The following NDEL1 variants were observed in gnomAD, a reference collection of about 807,000 sequenced individuals.
The protein encoded by NDEL1 is nuclear distribution protein nudE-like 1.
Under a neutral mutation model 45.7 loss-of-function variants are expected in NDEL1, and 9 were observed. That is an observed-to-expected ratio of 0.20 (90% CI 0.12 to 0.34). The LOEUF (loss-of-function observed/expected upper bound fraction) is 0.34, where lower values mean the gene tolerates loss of function less well. Among genes scored for constraint, NDEL1 ranks in the 10% least tolerant of loss-of-function variants. NDEL1 has a pLI of 1.00. For synonymous variants in NDEL1, 133 were observed against 158.6 expected (o/e 0.84, Z 1.21); for missense variants, 306 against 406.2 (o/e 0.75, Z 2.12).
At chr17:8,470,354 G>T (rs565297570), downstream of NDEL1, among the ~76,000 whole-genome samples, 12 of 152,168 alleles carry the variant, frequency 7.9e-5, no homozygotes, top group African/African-American at 2.9e-4. The surrounding 1 kb of genome is among the most constrained non-coding windows in gnomAD (Gnocchi z 4.2). Context: ...CTGATCTCCC[G>T]GGTGGTGGAC....
intron 7 of NDEL1, among the ~76,000 whole-genome samples, chr17:8,457,860 G>A (rs1378833953): frequency 6.6e-6 from 1 of 152,008 alleles, no homozygotes; most frequent in Non-Finnish European, 1.5e-5. Flanking sequence ...TAATATTTAT[G>A]TATAATGTTT....
Position 8,444,491 on chromosome 17 carries a change from A to G in NDEL1, c.86+134A>G, listed in dbSNP as rs180794588. 1.4e-3 allele frequency: 904 copies of G among 627,398 alleles called. 9 individuals carry two copies. The highest frequency in any genetic ancestry group is 0.014 in the African/African-American group (761 of 54,168). The allele number at this position is 627,398 out of a possible 1,614,324, so 38.9% of individuals were successfully genotyped here. A position where few individuals can be genotyped will look rare whatever the true frequency, so the allele number is the denominator to read the frequency against. On this transcript the variant is annotated intron_variant, in intron 2 of 8. Transcript: ENST00000334527. ...AGGATTCTAGGATTGAGATTCTACAAACAGTCACCACATGGGTTGTATTTA... is the reference window on the plus strand; with the variant it reads ...AGGATTCTAGGATTGAGATTCTACAGACAGTCACCACATGGGTTGTATTTA...
chr17:8,438,251 C>T (rs1429995949), intron 1 of NDEL1, among the ~76,000 whole-genome samples: 1 of 152,186 alleles, frequency 6.6e-6, no homozygotes, highest in Non-Finnish European at 1.5e-5. Flanking sequence ...GCCACCGTGC[C>T]CTGCCAATAA....
At chr17:8,438,702 G>C (rs1672801661) in intron 1 of NDEL1, among the ~76,000 whole-genome samples, 3 of 151,816 alleles carry the variant, frequency 2.0e-5, no homozygotes, top group Admixed American at 2.0e-4. Flanking sequence ...TTTTGTTAGA[G>C]ATGGGGTTTC....
intron 7 of NDEL1, among the ~76,000 whole-genome samples, 185 bp downstream of exon 7, chr17:8,455,072 G>A (rs949626986): frequency 3.3e-5 from 5 of 152,222 alleles, no homozygotes; most frequent in African/African-American, 1.2e-4. Context: ...CTGCAGAAGA[G>A]CCTGTACCTT....
intron 1 of NDEL1, among the ~76,000 whole-genome samples, chr17:8,429,947 T>C (rs1908959581): frequency 1.3e-5 from 2 of 151,960 alleles, no homozygotes; most frequent in East Asian, 1.9e-4. Flanking sequence ...TTATGGGCGA[T>C]GTGGGAAGAA....
In NDEL1 at chr17:8,446,878, A is replaced by G; in HGVS notation, c.365A>G (p.Asn122Ser). 12 of 1,614,182 alleles carry G rather than the reference A, an allele frequency of 7.4e-6. No homozygotes were observed. Among genetic ancestry groups the G allele is most frequent in the Non-Finnish European group, 1.0e-5 (12 of 1,180,030 alleles). ...TATGTGAGAGAGCTGGAGCAGGCCAACGACGACCTGGAGCGAGCCAAAAGG... is the reference window on the plus strand; with the variant it reads ...TATGTGAGAGAGCTGGAGCAGGCCAGCGACGACCTGGAGCGAGCCAAAAGG... ...HKYVRELEQA[N>S]DDLERAKRAT... The change falls in exon 4 of 9, where the codon AAC (asparagine) becomes AGC (serine). Residue 122 changes from asparagine (N) to serine (S), a missense_variant. Around this residue, in one of 3 missense-constraint regions of NDEL1, gnomAD observed 112 missense variants for 148.3 expected, o/e 0.76. Transcript: ENST00000334527.
At chr17:8,414,093 T>C (rs570197478) in intron 1 of NDEL1, among the ~76,000 whole-genome samples, 56 of 152,326 alleles carry the variant, frequency 3.7e-4, no homozygotes, top group African/African-American at 9.9e-4. Context: ...GAGTGTCATC[T>C]CTTGTTAATT....
At chr17:8,438,988 G>A (rs1909545639) in intron 1 of NDEL1, among the ~76,000 whole-genome samples, 1 of 151,120 alleles carries the variant, frequency 6.6e-6, no homozygotes, top group Non-Finnish European at 1.5e-5. Context: ...CCAGGCTGGA[G>A]TGGAGTGCGG....
chr17:8,456,957 A>C (rs960372195), intron 7 of NDEL1, among the ~76,000 whole-genome samples: 2 of 152,380 alleles, frequency 1.3e-5, no homozygotes, highest in African/African-American at 4.8e-5. Context: ...AACAATGCAC[A>C]TATATGTGTT....
chr17:8,469,074 TA>T (rs1911767446), downstream of NDEL1, among the ~76,000 whole-genome samples: 1 of 152,202 alleles, frequency 6.6e-6, no homozygotes, highest in Non-Finnish European at 1.5e-5. Flanking sequence ...ATTTCTCTAT[TA>T]ATCTATAGAC....
intron 1 of NDEL1, among the ~76,000 whole-genome samples, chr17:8,437,069 C>A (rs1050870165): frequency 6.6e-6 from 1 of 152,162 alleles, no homozygotes; most frequent in African/African-American, 2.4e-5. Context: ...AGGATAAAAA[C>A]GGCTGCTCAG....
At chr17:8,419,339 A>G (rs990305946) in intron 1 of NDEL1, among the ~76,000 whole-genome samples, 1 of 152,248 alleles carries the variant, frequency 6.6e-6, no homozygotes. Context: ...AGAGATAACC[A>G]CCACTTATAA....
At chr17:8,458,811 C>G (rs1267494138) in intron 7 of NDEL1, among the ~76,000 whole-genome samples, 1 of 152,200 alleles carries the variant, frequency 6.6e-6, no homozygotes, top group Admixed American at 6.5e-5. Context: ...ACAGCAATCT[C>G]TGCTTCCTGG....
chr17:8,470,031 C>T (rs979420093), downstream of NDEL1, among the ~76,000 whole-genome samples: 7 of 151,846 alleles, frequency 4.6e-5, no homozygotes, highest in Non-Finnish European at 1.0e-4. This position sits in a 1 kb window ranked among gnomAD's most constrained non-coding sequence, Gnocchi z 4.2. Context: ...TTTTGTGGCT[C>T]TAGCAGCTCT....
chr17:8,413,410 A>G (rs1908469459), intron 1 of NDEL1: 1 of 152,294 alleles, frequency 6.6e-6, no homozygotes, highest in African/African-American at 2.4e-5. Context: ...GCTGAGGTCC[A>G]TTTGGAAAGT....
intron 1 of NDEL1, among the ~76,000 whole-genome samples, chr17:8,442,014 A>G (rs1909766349): frequency 2.0e-5 from 3 of 152,006 alleles, no homozygotes; most frequent in South Asian, 4.1e-4. Context: ...TTTCTTATTC[A>G]TGCTACTGGG....
At position 8,466,960 on chromosome 17, in the gene NDEL1, T is replaced by C; in HGVS notation, c.975T>C (p.Pro325=). The change falls in exon 9 of 9, where the codon CCT becomes CCC. Residue 325 remains proline (P), a synonymous_variant. Coordinates refer to ENST00000334527, the MANE Select transcript of NDEL1 (RefSeq NM_030808.5). ...GAVNGFDPAP[P]PPGLGSSRPS... ...TAAACGGCTTTGACCCCGCTCCTCC[T>C]CCTCCTGGTCTGGGCTCCTCGCGTC... 1 of 1,614,222 alleles carries C rather than the reference T, an allele frequency of 6.2e-7. No homozygotes were observed. Among genetic ancestry groups the C allele is most frequent in the Non-Finnish European group, 8.5e-7 (1 of 1,180,030 alleles).
intron 7 of NDEL1, among the ~76,000 whole-genome samples, chr17:8,459,125 A>G (rs146265354): frequency 6.6e-6 from 1 of 152,304 alleles, no homozygotes; most frequent in Non-Finnish European, 1.5e-5. Flanking sequence ...TGTGGATTTA[A>G]TTTAGCTGTG....
Sources: allele counts gnomAD v4.1 joint callset (sites outside exome capture counted in the v4.1 genomes callset), GRCh38; gene constraint gnomAD v4.1.1; regional missense constraint gnomAD v4.1.1; non-coding constraint Gnocchi (gnomAD v3.1); transcripts MANE v1.5; gene names NCBI Gene and HGNC (gene_info 2026-07-23, HGNC 2026-07-21).